BTNL8: variants seen among roughly 807,000 people sequenced by gnomAD.
BTNL8 encodes the protein butyrophilin like 8, also known as butyrophilin-like protein 8.
In BTNL8, 22 loss-of-function variants were observed where a neutral mutation model predicts 36.1. The observed-to-expected ratio is 0.61, with a 90% CI of 0.44 to 0.87. BTNL8 has a LOEUF of 0.87. Among genes scored for constraint, BTNL8 ranks in the 40% least tolerant of loss-of-function variants. The probability of loss-of-function intolerance (pLI) is 0.00; values close to 1 mark genes in which losing one functional copy is unlikely to be tolerated. For missense variants in BTNL8, 526 were observed against 616.9 expected (o/e 0.85, Z 1.56); for synonymous variants, 203 against 235.6 (o/e 0.86, Z 1.27).
chr5:180,911,720 C>A (rs1757412179), intron 3 of BTNL8, 106 bp downstream of exon 3: 1 of 1,146,750 alleles, frequency 8.7e-7, no homozygotes, highest in East Asian at 2.4e-5. Flanking sequence ...TTTCTCAGTT[C>A]TAATGATTTA....
intron 2 of BTNL8, among the ~76,000 whole-genome samples, chr5:180,911,023 T>A (rs1275010402): frequency 2.0e-5 from 3 of 152,208 alleles, no homozygotes; most frequent in African/African-American, 7.2e-5. Flanking sequence ...CATCGTTCCT[T>A]TGGTCTGTTA....
chr5:180,924,890 T>C (rs960849812), intron 3 of BTNL8, among the ~76,000 whole-genome samples: 2 of 151,584 alleles, frequency 1.3e-5, no homozygotes, highest in Non-Finnish European at 2.9e-5. Context: ...TACAAGAAAA[T>C]GCAGATAGAA....
chr5:180,916,343 A>G (rs893528757), intron 3 of BTNL8, among the ~76,000 whole-genome samples: 2 of 152,160 alleles, frequency 1.3e-5, no homozygotes, highest in African/African-American at 4.8e-5. Context: ...ACCAGTTCTA[A>G]AAGTTTATAG....
chr5:180,947,468 T>G, intron 3 of BTNL8, 44 bp from the exon 4 acceptor site: 2 of 1,603,102 alleles, frequency 1.2e-6, no homozygotes, highest in Non-Finnish European at 1.7e-6. Context: ...GAATTGTGTC[T>G]TTTGTTCACC....
intron 3 of BTNL8, among the ~76,000 whole-genome samples, chr5:180,931,664 C>T (rs1758391275): frequency 6.6e-6 from 1 of 152,166 alleles, no homozygotes; most frequent in Non-Finnish European, 1.5e-5. Context: ...TGAACAGACA[C>T]TTCTCAAATG....
intron 3 of BTNL8, among the ~76,000 whole-genome samples, chr5:180,936,430 T>C (rs1561942983): frequency 6.6e-6 from 1 of 152,134 alleles, no homozygotes; most frequent in Non-Finnish European, 1.5e-5. Context: ...AAGATCAGTT[T>C]CATTTCTATA....
At chr5:180,900,278 T>C (rs1272771781) in intron 1 of BTNL8, among the ~76,000 whole-genome samples, 1 of 152,190 alleles carries the variant, frequency 6.6e-6, no homozygotes, top group Non-Finnish European at 1.5e-5. Flanking sequence ...TTTTAAAAAC[T>C]CTTATTTCAT....
At chr5:180,942,669 T>C (rs1292681517) in intron 3 of BTNL8, among the ~76,000 whole-genome samples, 1 of 152,168 alleles carries the variant, frequency 6.6e-6, no homozygotes, top group Non-Finnish European at 1.5e-5. Flanking sequence ...TTGAGAAAGG[T>C]GCCAAGAATA....
In BTNL8 at chr5:180,911,542, G is replaced by T. The variant is rs751803412; in HGVS notation, c.601G>T (p.Ala201Ser). 1 of 1,612,890 alleles carries T rather than the reference G, an allele frequency of 6.2e-7. No individual in the cohort carries two copies. Among genetic ancestry groups the T allele is most frequent in the Non-Finnish European group, 8.5e-7 (1 of 1,179,672 alleles). ...GATCTCTCTGACCGTCCAAGAGAAC[G>T]CCGGGAGCATATCCTGTTCCATGCG... ...VEISLTVQEN[A>S]GSISCSMRHA... The change falls in exon 3 of 8, where the codon GCC becomes TCC. Residue 201 changes from alanine to serine, a missense_variant. Transcript: ENST00000340184.
In BTNL8 at chr5:180,908,645, G is replaced by A. The variant is rs1285095329; in HGVS notation, c.109G>A (p.Ala37Thr). 6.2e-7 allele frequency: 1 copy of A among 1,614,130 alleles called. No individual in the cohort carries two copies. Among genetic ancestry groups the A allele is most frequent in the African/African-American group, 1.3e-5 (1 of 74,928 alleles). Residue 37 changes from alanine to threonine, a missense_variant, in exon 2 of 8, where the codon GCA (alanine) becomes ACA (threonine). Transcript: ENST00000340184. ...CCAGGCCTTGGTGGGGGAGGACGCA[G>A]CATTCTCCTGTTTCCTGTCTCCTAA... ...PVQALVGEDA[A>T]FSCFLSPKTN...
intron 1 of BTNL8, among the ~76,000 whole-genome samples, chr5:180,905,400 AT>A (rs1757033871): frequency 8.8e-6 from 1 of 113,182 alleles, no homozygotes. Flanking sequence ...TATTGCATCT[AT>A]TTGATTCTTC....
At chr5:180,906,279 G>C (rs1242327182) in intron 1 of BTNL8, among the ~76,000 whole-genome samples, 1 of 146,246 alleles carries the variant, frequency 6.8e-6, no homozygotes, top group African/African-American at 2.7e-5. Context: ...TTATGTAATG[G>C]CCTTCTTTGT....
At chr5:180,905,121 C>T (rs1259390143) in intron 1 of BTNL8, among the ~76,000 whole-genome samples, 1 of 150,960 alleles carries the variant, frequency 6.6e-6, no homozygotes, top group Non-Finnish European at 1.5e-5. Flanking sequence ...CTCCTTGTAC[C>T]TCTGGTAGAA....
intron 3 of BTNL8, among the ~76,000 whole-genome samples, chr5:180,918,409 A>T (rs1757738359): frequency 6.6e-6 from 1 of 152,240 alleles, no homozygotes; most frequent in African/African-American, 2.4e-5. Flanking sequence ...AAGAACAAAT[A>T]ATGTATAATT....
In BTNL8 at chr5:180,908,642, G is replaced by A. The variant is rs769402531; in HGVS notation, c.106G>A (p.Ala36Thr). ...KPVQALVGED[A>T]AFSCFLSPKT... ...TGTCCAGGCCTTGGTGGGGGAGGACGCAGCATTCTCCTGTTTCCTGTCTCC... is the reference window on the plus strand; with the variant it reads ...TGTCCAGGCCTTGGTGGGGGAGGACACAGCATTCTCCTGTTTCCTGTCTCC... The change falls in exon 2 of 8, where the codon GCA becomes ACA. Residue 36 changes from alanine to threonine, a missense_variant. Coordinates refer to ENST00000340184, the MANE Select transcript of BTNL8 (RefSeq NM_001040462.3). 9.9e-6 allele frequency: 16 copies of A among 1,614,072 alleles called. No individual in the cohort carries two copies. Among genetic ancestry groups the A allele is most frequent in the African/African-American group, 2.7e-5 (2 of 74,922 alleles).
At chr5:180,911,208 G>A in intron 2 of BTNL8, 131 bp from the exon 3 acceptor site, 2 of 1,402,244 alleles carry the variant, frequency 1.4e-6, no homozygotes, top group Non-Finnish European at 1.9e-6. Context: ...TTTTGCCAAA[G>A]GTCGTGGTTT....
At position 180,950,284 on chromosome 5, in the gene BTNL8, T is replaced by G. The variant is rs144879081; in HGVS notation, c.1243T>G (p.Cys415Gly). 1.2e-5 allele frequency: 17 copies of G among 1,463,438 alleles called. 3 individuals carry two copies. In the African/African-American group the frequency reaches 2.1e-4, roughly 18 times the overall value. The allele number at this position is 1,463,438 out of a possible 1,614,324, so 90.7% of individuals were successfully genotyped here. ...TKIGVFLDYE[C>G]GTISFFNIND... The stretch of plus-strand genomic sequence containing the variant: ...AATAGGGGTCTTCCTGGACTATGAG[T>G]GTGGGACCATCTCCTTCTTCAACAT... The change falls in exon 8 of 8, where the codon TGT becomes GGT. Residue 415 changes from cysteine (C) to glycine (G), a missense_variant. This residue lies in a region of BTNL8 where 176 missense variants were observed against 292.3 expected (regional missense o/e 0.60). Coordinates refer to ENST00000340184, the MANE Select transcript of BTNL8 (RefSeq NM_001040462.3).
At chr5:180,918,778 T>C (rs1757751341) in intron 3 of BTNL8, among the ~76,000 whole-genome samples, 1 of 152,162 alleles carries the variant, frequency 6.6e-6, no homozygotes, top group South Asian at 2.1e-4. Context: ...GGCTTCCAAG[T>C]AATAGGTAGA....
At chr5:180,911,289 G>A (rs749371133) in intron 2 of BTNL8, 50 bp from the exon 3 acceptor site, 1 of 1,597,136 alleles carries the variant, frequency 6.3e-7, no homozygotes. Context: ...GAATTGCTGT[G>A]GCTTTGGGAT....
Sources: allele counts gnomAD v4.1 joint callset (sites outside exome capture counted in the v4.1 genomes callset), GRCh38; gene constraint gnomAD v4.1.1; regional missense constraint gnomAD v4.1.1; transcripts MANE v1.5; gene names NCBI Gene and HGNC (gene_info 2026-07-23, HGNC 2026-07-21).